Variants in CATSPER2 observed in about 807,000 individuals in gnomAD.
The protein encoded by CATSPER2 is cation channel sperm associated 2.
A neutral mutation model predicts 68.8 loss-of-function variants in CATSPER2; 56 were observed. The ratio of observed to expected loss-of-function variants is 0.81; its 90% CI spans 0.66 to 1.02. CATSPER2 has a LOEUF of 1.02. Among genes scored for constraint, CATSPER2 ranks in the 50% least tolerant of loss-of-function variants. The probability of loss-of-function intolerance (pLI) is 0.00; values close to 1 mark genes in which losing one functional copy is unlikely to be tolerated. For missense variants in CATSPER2, 582 were observed against 642.0 expected, an observed-to-expected ratio of 0.91 and a Z score of 1.01; for synonymous variants, 198 against 229.9, an observed-to-expected ratio of 0.86 and a Z score of 1.26.
intron 7 of CATSPER2, among the ~76,000 whole-genome samples, chr15:43,638,195 C>A (rs1315904092): frequency 6.6e-6 from 1 of 151,116 alleles, no homozygotes; most frequent in Non-Finnish European, 1.5e-5. Context: ...CTCAGGTGAT[C>A]CACCTGTCTT....
At chr15:43,641,791 C>A (rs1653241515) in intron 4 of CATSPER2, among the ~76,000 whole-genome samples, 1 of 152,020 alleles carries the variant, frequency 6.6e-6, no homozygotes, top group African/African-American at 2.4e-5. Context: ...TCACGGAAGC[C>A]TGGCTCTTCC....
intron 4 of CATSPER2, among the ~76,000 whole-genome samples, chr15:43,645,231 T>C (rs562545476): frequency 1.1e-3 from 168 of 151,744 alleles, no homozygotes; most frequent in Non-Finnish European, 1.5e-3. Flanking sequence ...AACTTTTGTA[T>C]TTTTTGTAGA....
At position 43,636,047 on chromosome 15, in the gene CATSPER2, T is replaced by C. The variant is rs750837411; in HGVS notation, c.1015A>G (p.Met339Val). 6.4e-7 allele frequency: 1 copy of C among 1,560,846 alleles called. No individual in the cohort carries two copies. Among genetic ancestry groups the C allele is most frequent in the Non-Finnish European group, 8.8e-7 (1 of 1,135,374 alleles). The change falls in exon 8 of 13, where the codon ATG becomes GTG. Residue 339 changes from methionine (M) to valine (V), a missense_variant. Physicochemically the swap from Met to Val is conservative, Grantham distance 21 (BLOSUM62 1). Coordinates refer to ENST00000396879, the MANE Select transcript of CATSPER2 (RefSeq NM_172095.4). ...TCACCTCCTCTATGCTTACCCATCA[T>C]GGCTACTATGATACTTCGAAAGATA... ...SIIFRSIIVAMMVTNFQNIRK... is the reference protein window; with the variant it reads ...SIIFRSIIVAVMVTNFQNIRK...
Position 43,635,218 on chromosome 15 carries a change from AT to A in CATSPER2, c.1178+141del, listed in dbSNP as rs2085942289. 6.2e-6 allele frequency: 5 copies of A among 800,226 alleles called. No homozygotes were observed. In the East Asian group the frequency reaches 1.2e-4, roughly 20 times the overall value. 49.6% of individuals were successfully genotyped at this position (800,226 alleles called of 1,614,324 possible). On this transcript the variant is annotated intron_variant, in intron 10 of 12. Transcript: ENST00000396879. ...CAGGGAGCAAAGACATGGACATATT[AT>A]TTCGGGTGCCACTAGTCAACCTACT...
chr15:43,632,669 G>T lies in CATSPER2; in HGVS notation c.1396+48C>A, dbSNP rs767869190. 3 of 1,611,434 alleles carry T rather than the reference G, an allele frequency of 1.9e-6. No individual in the cohort carries two copies. In the Admixed American group the frequency reaches 5.0e-5, roughly 27 times the overall value. On this transcript the variant is annotated intron_variant, in intron 11 of 12. Coordinates refer to ENST00000396879, the MANE Select transcript of CATSPER2 (RefSeq NM_172095.4). ...TAAGACTAAGATGTCTTAAAGAGGA[G>T]TCTGAATTCAAATGGAAAAAACTCA...
intron 1 of CATSPER2, 142 bp downstream of exon 1, chr15:43,648,487 C>G (rs1264240801): frequency 1.2e-6 from 1 of 850,210 alleles, no homozygotes; most frequent in Non-Finnish European, 1.7e-6. Context: ...CCTGCTCACG[C>G]AAGAGAAACC....
chr15:43,639,130 T>G, intron 6 of CATSPER2, 102 bp from the exon 7 acceptor site: 1 of 1,389,290 alleles, frequency 7.2e-7, no homozygotes, highest in Non-Finnish European at 1.0e-6. Context: ...AACCCTCTCT[T>G]GCACTGCTGA....
intron 7 of CATSPER2, among the ~76,000 whole-genome samples, 154 bp from the exon 8 acceptor site, chr15:43,636,373 C>CTAATCAA (rs2085964350): frequency 6.6e-6 from 1 of 151,764 alleles, no homozygotes; most frequent in African/African-American, 2.4e-5. Flanking sequence ...GCTAATCATT[C>CTAATCAA]TATAGTTTGA....
At chr15:43,632,145 T>C in intron 12 of CATSPER2, 54 bp downstream of exon 12, 4 of 1,578,656 alleles carry the variant, frequency 2.5e-6, no homozygotes, top group Non-Finnish European at 3.5e-6. Flanking sequence ...TCTCCACAGC[T>C]ATAAACGCTA....
chr15:43,638,796 A>C, intron 7 of CATSPER2, 108 bp downstream of exon 7: 1 of 1,312,650 alleles, frequency 7.6e-7, no homozygotes, highest in South Asian at 1.2e-5. Flanking sequence ...GTTCTATTTC[A>C]GTTTCTTGGA....
In CATSPER2 at chr15:43,647,047, C is replaced by T; in HGVS notation, c.388+3G>A. 6.2e-7 allele frequency: 1 copy of T among 1,610,326 alleles called. No homozygotes were observed. The highest frequency in any genetic ancestry group is 8.5e-7 in the Non-Finnish European group (1 of 1,176,718). ...TCCTCTTTCATACAAGGTCAGTTCTCACCTATTTCAACCATCAATATGATC... is the reference window on the plus strand; with the variant it reads ...TCCTCTTTCATACAAGGTCAGTTCTTACCTATTTCAACCATCAATATGATC... On this transcript the variant is annotated splice_donor_region_variant and intron_variant, in intron 4 of 12. Transcript: ENST00000396879.
intron 6 of CATSPER2, among the ~76,000 whole-genome samples, chr15:43,639,249 A>AT (rs755628824): frequency 9.0e-4 from 126 of 140,236 alleles, no homozygotes; most frequent in African/African-American, 1.8e-3. Context: ...TCTTTCATAT[A>AT]TTTTTTTTTT....
Position 43,635,064 on chromosome 15 carries a change from C to A in CATSPER2, c.1178+296G>T, listed in dbSNP as rs763839163. On this transcript the variant is annotated intron_variant, in intron 10 of 12. Transcript: ENST00000396879. Reference sequence around the variant, plus strand: ...TCTCCTATTCTCTGTGTCTTCTCCTCTTTCATCTTTTATAAGGACCCTTGC... The same window carrying A: ...TCTCCTATTCTCTGTGTCTTCTCCTATTTCATCTTTTATAAGGACCCTTGC... 4 of 455,188 alleles carry A rather than the reference C, an allele frequency of 8.8e-6. No individual in the cohort carries two copies. The East Asian group carries it at 1.9e-4, about 21-fold the overall frequency. 28.2% of individuals were successfully genotyped at this position (455,188 alleles called of 1,614,324 possible).
chr15:43,648,858 C>G, upstream of CATSPER2: 1 of 1,522,146 alleles, frequency 6.6e-7, no homozygotes, highest in Non-Finnish European at 8.8e-7. Context: ...CGCCCAGCCA[C>G]TCGCCGCCTA....
At chr15:43,635,162 T>C (rs776130100) in intron 10 of CATSPER2, 198 bp downstream of exon 10, 1 of 638,932 alleles carries the variant, frequency 1.6e-6, no homozygotes, top group South Asian at 1.9e-5. Context: ...GATCTTTTTT[T>C]TTTTCCAAAT....
chr15:43,645,107 G>A (rs2086139576), intron 4 of CATSPER2, among the ~76,000 whole-genome samples: 3 of 151,980 alleles, frequency 2.0e-5, no homozygotes, highest in South Asian at 2.1e-4. Context: ...CACCTAGGCT[G>A]GAGTTCCGTT....
intron 12 of CATSPER2, 64 bp from the exon 13 acceptor site, chr15:43,630,796 T>G: frequency 6.2e-7 from 1 of 1,611,342 alleles, no homozygotes; most frequent in Non-Finnish European, 8.5e-7. Context: ...AAATGTTTGG[T>G]GAAGACCTTG....
At chr15:43,646,783 C>T (rs1462331259) in intron 4 of CATSPER2, among the ~76,000 whole-genome samples, 1 of 149,536 alleles carries the variant, frequency 6.7e-6, no homozygotes, top group East Asian at 2.0e-4. Flanking sequence ...GGCACAATCT[C>T]GGCTCACTGA....
In CATSPER2 at chr15:43,638,576, C is replaced by T. The variant is rs187393643; in HGVS notation, c.842+328G>A. Among the ~76,000 whole-genome samples the T allele has an allele frequency of 2.0e-4, 30 of 151,820 alleles. No homozygotes were observed. The East Asian group carries it at 4.8e-3, about 24-fold the overall frequency. ...TGCTGGGATTTCAGGGGTGAGCCAC[C>T]GCGCCCTGCCCCCATTTTTCAAAAG... On this transcript the variant is annotated intron_variant, in intron 7 of 12. Coordinates refer to ENST00000396879, the MANE Select transcript of CATSPER2 (RefSeq NM_172095.4).
Sources: allele counts gnomAD v4.1 joint callset (sites outside exome capture counted in the v4.1 genomes callset), GRCh38; gene constraint gnomAD v4.1.1; transcripts MANE v1.5; gene names NCBI Gene and HGNC (gene_info 2026-07-23, HGNC 2026-07-21).